Variants in SYNCRIP observed in about 807,000 individuals in gnomAD.
The protein encoded by SYNCRIP is heterogeneous nuclear ribonucleoprotein Q.
In SYNCRIP, 9 loss-of-function variants were observed where a neutral mutation model predicts 68.9. That is an observed-to-expected ratio of 0.13 (90% CI 0.08 to 0.23). The LOEUF (loss-of-function observed/expected upper bound fraction) is 0.23, where lower values mean the gene tolerates loss of function less well. Among genes scored for constraint, SYNCRIP ranks in the 10% least tolerant of loss-of-function variants. The pLI, the probability that SYNCRIP is intolerant of heterozygous loss-of-function variation, is 1.00. For synonymous variants in SYNCRIP, 258 were observed against 254.0 expected (o/e 1.02, Z -0.15); for missense variants, 414 against 770.6 (o/e 0.54, Z 5.48).
In SYNCRIP at chr6:85,640,272, T is replaced by C. The variant is rs1458425197; in HGVS notation, c.324A>G (p.Gln108=). The C allele has an allele frequency of 1.2e-6, 2 of 1,613,898 alleles. No individual in the cohort carries two copies. Among genetic ancestry groups the C allele is most frequent in the Non-Finnish European group, 1.7e-6 (2 of 1,179,906 alleles). Residue 108 remains glutamine (Q), a synonymous_variant, in exon 4 of 11, where the codon CAA becomes CAG. Transcript: ENST00000369622. ...VMKTYRQREK[Q]GTKVADSSKG... ...TACTAGAATCTGCTACTTTGGTCCC[T>C]TGTTTTTCTCTCTGCCTGTAAGTCT... is the stretch of plus-strand genomic sequence containing the variant.
intron 6 of SYNCRIP, among the ~76,000 whole-genome samples, chr6:85,632,449 G>A (rs1583296431): frequency 6.6e-6 from 1 of 152,122 alleles, no homozygotes; most frequent in East Asian, 1.9e-4. Flanking sequence ...CAAAGTATGC[G>A]CCCTTGAGGA....
chr6:85,632,042 G>C (rs1012924021), intron 6 of SYNCRIP, among the ~76,000 whole-genome samples: 2 of 152,130 alleles, frequency 1.3e-5, no homozygotes. Flanking sequence ...GTAGATGTTG[G>C]CTAGAATCAG....
chr6:85,624,095 A>T lies in SYNCRIP; in HGVS notation c.684T>A (p.Ile228=), dbSNP rs1806762296. The T allele has an allele frequency of 6.2e-7, 1 of 1,613,628 alleles. No homozygotes were observed. Among genetic ancestry groups the T allele is most frequent in the African/African-American group, 1.3e-5 (1 of 74,910 alleles). Residue 228 remains isoleucine, a synonymous_variant, in exon 7 of 11, where the codon ATT becomes ATA. Transcript: ENST00000369622. ...AGACACCAATATGTTTTCCAGAACG[A>T]ATTTCATGATTATTATACTGAAAGG... ...EAVKLYNNHE[I]RSGKHIGVCI...
In SYNCRIP at chr6:85,624,024, T is replaced by C; in HGVS notation, c.755A>G (p.Lys252Arg). The C allele has an allele frequency of 1.2e-6, 2 of 1,613,980 alleles. No homozygotes were observed. Among genetic ancestry groups the C allele is most frequent in the Non-Finnish European group, 1.7e-6 (2 of 1,179,940 alleles). ...AAGAATCTGTTCCTTGGTTTTACTCTTAGGAATAGAGCCCACAAAAAGCCT... is the reference window on the plus strand; with the variant it reads ...AAGAATCTGTTCCTTGGTTTTACTCCTAGGAATAGAGCCCACAAAAAGCCT... ...NNRLFVGSIP[K>R]SKTKEQILEE... The change falls in exon 7 of 11, where the codon AAG becomes AGG. Residue 252 changes from lysine to arginine, a missense_variant. By Grantham distance (26) the Lys-to-Arg change is conservative (BLOSUM62 2). Around this residue, in one of 6 missense-constraint regions of SYNCRIP, gnomAD observed 110 missense variants for 269.3 expected, o/e 0.41. Coordinates refer to ENST00000369622, the MANE Select transcript of SYNCRIP (RefSeq NM_006372.5).
chr6:85,635,086 G>A (rs1391713889), intron 6 of SYNCRIP, among the ~76,000 whole-genome samples: 1 of 152,080 alleles, frequency 6.6e-6, no homozygotes, highest in African/African-American at 2.4e-5. Flanking sequence ...AATTGCCTGA[G>A]CCCAGGAGGC....
intron 10 of SYNCRIP, among the ~76,000 whole-genome samples, chr6:85,617,895 A>C (rs901213931): frequency 6.6e-6 from 1 of 152,204 alleles, no homozygotes; most frequent in Non-Finnish European, 1.5e-5. Flanking sequence ...AGCTAACTTC[A>C]ATTCTTACCC....
At chr6:85,637,555 G>C (rs1268124455) in intron 4 of SYNCRIP, among the ~76,000 whole-genome samples, 199 bp from the exon 5 acceptor site, 1 of 152,038 alleles carries the variant, frequency 6.6e-6, no homozygotes, top group African/African-American at 2.4e-5. Flanking sequence ...AGAAGTCCAG[G>C]GTCCTGTTCA....
downstream of SYNCRIP, chr6:85,611,391 CAT>C (rs1016641481): frequency 2.0e-5 from 3 of 152,484 alleles, no homozygotes; most frequent in African/African-American, 7.2e-5. Context: ...GAACATATGA[CAT>C]GTCTGATTTT....
chr6:85,641,311 T>G lies in SYNCRIP; in HGVS notation c.129A>C (p.Leu43=). 6.2e-7 allele frequency: 1 copy of G among 1,611,402 alleles called. No individual in the cohort carries two copies. The highest frequency in any genetic ancestry group is 8.5e-7 in the Non-Finnish European group (1 of 1,179,920). The change falls in exon 2 of 11, where the codon CTA becomes CTC. Residue 43 remains leucine, a synonymous_variant. Coordinates refer to ENST00000369622, the MANE Select transcript of SYNCRIP (RefSeq NM_006372.5). ...TCTTACCTGCAACGTAAATTTCATC[T>G]AGTTTTTCAGCAACTTTCTGTGGTA... is the stretch of plus-strand genomic sequence containing the variant. ...AGLPQKVAEK[L]DEIYVAGLVA... is the part of the protein sequence containing the mutation.
chr6:85,631,637 G>A (rs1440146692), intron 6 of SYNCRIP, among the ~76,000 whole-genome samples: 2 of 152,254 alleles, frequency 1.3e-5, no homozygotes, highest in East Asian at 3.9e-4. Flanking sequence ...AAAATATTTT[G>A]GCAACAGATA....
intron 2 of SYNCRIP, 37 bp from the exon 3 acceptor site, chr6:85,640,601 T>C (rs755563194): frequency 2.2e-6 from 3 of 1,364,770 alleles, no homozygotes; most frequent in East Asian, 2.3e-5. Flanking sequence ...TTAATATTTT[T>C]AGAAAAGATT....
In SYNCRIP at chr6:85,637,042, T is replaced by C. The variant is rs1808546200; in HGVS notation, c.591A>G (p.Pro197=). The C allele has an allele frequency of 1.2e-6, 2 of 1,614,142 alleles. No homozygotes were observed. The highest frequency in any genetic ancestry group is 1.7e-5 in the Admixed American group (1 of 60,024). The change falls in exon 6 of 11, where the codon CCA becomes CCG. Residue 197 remains proline (P), a synonymous_variant. Transcript: ENST00000369622. ...CATAACCTCTATTGAGACCAGTGAG[T>C]GGATCCATCATTAGACGAAGATCCC... ...PIWDLRLMMD[P]LTGLNRGYAF...
chr6:85,640,676 C>CA (rs1809023583), intron 2 of SYNCRIP, 112 bp from the exon 3 acceptor site: 1 of 552,214 alleles, frequency 1.8e-6, no homozygotes, highest in Non-Finnish European at 3.1e-6. Flanking sequence ...CTACTCCCCT[C>CA]ATCTATACCT....
At chr6:85,630,859 CA>C (rs1363208475) in intron 6 of SYNCRIP, among the ~76,000 whole-genome samples, 1 of 152,090 alleles carries the variant, frequency 6.6e-6, no homozygotes, top group African/African-American at 2.4e-5. Context: ...AAATAATTTA[CA>C]AAGTCAAAAA....
intron 4 of SYNCRIP, among the ~76,000 whole-genome samples, chr6:85,638,378 CT>C (rs1808717707): frequency 3.3e-5 from 1 of 30,356 alleles, no homozygotes; most frequent in Non-Finnish European, 5.8e-5. Flanking sequence ...AAGACCCCAT[CT>C]CAAAAAAAAA....
intron 1 of SYNCRIP, among the ~76,000 whole-genome samples, chr6:85,642,328 G>A (rs1037135009): frequency 2.0e-5 from 3 of 152,154 alleles, no homozygotes; most frequent in Non-Finnish European, 2.9e-5. Context: ...GCGCTGTGCA[G>A]GTCCCCACCC....
At chr6:85,624,246 G>A (rs1806783570) in intron 6 of SYNCRIP, 134 bp from the exon 7 acceptor site, 2 of 812,512 alleles carry the variant, frequency 2.5e-6, no homozygotes, top group Non-Finnish European at 3.8e-6. Context: ...GAATTATGAG[G>A]AACAGATTAT....
At chr6:85,613,725 CA>C (rs1445047719), downstream of SYNCRIP, among the ~76,000 whole-genome samples, 2 of 152,198 alleles carry the variant, frequency 1.3e-5, no homozygotes, top group African/African-American at 4.8e-5. Flanking sequence ...GTGCAACTCA[CA>C]AATTACCCAA....
intron 8 of SYNCRIP, among the ~76,000 whole-genome samples, chr6:85,620,841 A>G (rs994956373): frequency 6.6e-5 from 10 of 152,230 alleles, no homozygotes; most frequent in Admixed American, 1.3e-4. Context: ...TACATCAGTA[A>G]TAATTACCAA....
Sources: gnomAD v4.1 joint callset for allele counts (sites outside exome capture counted in the v4.1 genomes callset) on GRCh38, gnomAD v4.1.1 for gene constraint, gnomAD v4.1.1 regional missense constraint, MANE v1.5 for transcripts, NCBI Gene and HGNC (gene_info 2026-07-23, HGNC 2026-07-21) for gene names.